The following CDH12 variants were observed in gnomAD, a reference collection of about 807,000 sequenced individuals.
CDH12 encodes cadherin 12.
A neutral mutation model predicts 74.1 loss-of-function variants in CDH12; 41 were observed. The ratio of observed to expected loss-of-function variants is 0.55; its 90% CI spans 0.43 to 0.72. The LOEUF (loss-of-function observed/expected upper bound fraction) is 0.72. Among genes scored for constraint, CDH12 ranks in the 30% least tolerant of loss-of-function variants. The pLI is 0.00. For synonymous variants in CDH12, 399 were observed against 355.0 expected (o/e 1.12, Z -1.39); for missense variants, 945 against 977.2 (o/e 0.97, Z 0.44).
intron 11 of CDH12, among the ~76,000 whole-genome samples, chr5:21,767,612 A>T (rs900620419): frequency 2.0e-5 from 3 of 151,686 alleles, no homozygotes; most frequent in African/African-American, 7.2e-5. Flanking sequence ...TTTCCTGAAG[A>T]TTAAATGTCA....
At chr5:22,287,578 G>GT (rs1411200815) in intron 3 of CDH12, among the ~76,000 whole-genome samples, 1 of 151,604 alleles carries the variant, frequency 6.6e-6, no homozygotes, top group Non-Finnish European at 1.5e-5. Flanking sequence ...CAAAAAATTA[G>GT]CCGGCGCGGT....
intron 4 of CDH12, among the ~76,000 whole-genome samples, chr5:22,137,623 C>T (rs1746539136): frequency 6.6e-6 from 1 of 152,092 alleles, no homozygotes. Flanking sequence ...GAGCAATTGG[C>T]ATAATTTAAA....
intron 1 of CDH12, among the ~76,000 whole-genome samples, chr5:22,818,878 G>A (rs1749525524): frequency 6.6e-6 from 1 of 152,028 alleles, no homozygotes; most frequent in African/African-American, 2.4e-5. Flanking sequence ...TGCATACTCT[G>A]TCAACTGGAT....
intron 1 of CDH12, among the ~76,000 whole-genome samples, chr5:22,779,263 A>G (rs867947478): frequency 2.0e-5 from 3 of 152,148 alleles, no homozygotes; most frequent in Non-Finnish European, 2.9e-5. Context: ...CCTTCAAACT[A>G]TTTATATTTA....
At chr5:22,244,796 G>GAAAGAAAGAA (rs1561251362) in intron 3 of CDH12, among the ~76,000 whole-genome samples, 1 of 108,720 alleles carries the variant, frequency 9.2e-6, no homozygotes, top group African/African-American at 3.2e-5. Flanking sequence ...AAGAAAGAAA[G>GAAAGAAAGAA]AAAGAAAAAT....
intron 1 of CDH12, among the ~76,000 whole-genome samples, chr5:22,752,641 C>A (rs4538578): frequency 5.3e-5 from 1 of 18,738 alleles, no homozygotes; most frequent in Admixed American, 5.2e-4. Context: ...GCGAGATCTC[C>A]TCTCACTGCA....
intron 1 of CDH12, among the ~76,000 whole-genome samples, chr5:22,746,853 A>G (rs1254599453): frequency 1.3e-5 from 2 of 152,224 alleles, no homozygotes; most frequent in African/African-American, 4.8e-5. Flanking sequence ...ACCTCAAACT[A>G]TGACTGGAAA....
intron 4 of CDH12, among the ~76,000 whole-genome samples, chr5:22,174,018 T>A (rs1023123118): frequency 2.0e-5 from 3 of 151,992 alleles, no homozygotes; most frequent in African/African-American, 7.2e-5. Context: ...TAGGTGAATA[T>A]AAATATTGTG....
chr5:22,680,738 C>T (rs568012383), intron 1 of CDH12, among the ~76,000 whole-genome samples: 13 of 151,836 alleles, frequency 8.6e-5, no homozygotes, highest in Admixed American at 2.0e-4. Flanking sequence ...TTAAATAATA[C>T]GTACTACTAA....
At chr5:22,787,459 G>A (rs891997968) in intron 1 of CDH12, among the ~76,000 whole-genome samples, 1 of 151,972 alleles carries the variant, frequency 6.6e-6, no homozygotes, top group African/African-American at 2.4e-5. Context: ...TCCCTTTTAT[G>A]AATTTTTGTG....
At chr5:21,798,459 A>G (rs373275089) in intron 10 of CDH12, among the ~76,000 whole-genome samples, 2 of 152,166 alleles carry the variant, frequency 1.3e-5, no homozygotes, top group East Asian at 3.9e-4. Flanking sequence ...TAAAAGACAG[A>G]TGAGCTTTTT....
intron 3 of CDH12, among the ~76,000 whole-genome samples, chr5:22,396,367 C>T (rs1465496976): frequency 6.6e-6 from 1 of 152,054 alleles, no homozygotes; most frequent in African/African-American, 2.4e-5. Flanking sequence ...CTGCCTGATG[C>T]ACTAGAAGCT....
At chr5:22,612,694 G>C (rs557093574) in intron 1 of CDH12, among the ~76,000 whole-genome samples, 15 of 152,130 alleles carry the variant, frequency 9.9e-5, no homozygotes, top group African/African-American at 3.4e-4. Flanking sequence ...ATTTTTGACT[G>C]TCTGGTGTGT....
intron 1 of CDH12, among the ~76,000 whole-genome samples, chr5:22,748,998 T>C (rs1745426777): frequency 6.6e-6 from 1 of 152,130 alleles, no homozygotes; most frequent in Non-Finnish European, 1.5e-5. Flanking sequence ...GATAGAGACA[T>C]CATTGATGTG....
chr5:22,106,424 TA>T (rs1744446723), intron 4 of CDH12, among the ~76,000 whole-genome samples: 1 of 152,222 alleles, frequency 6.6e-6, no homozygotes, highest in Admixed American at 6.5e-5. Context: ...GTATTTTACC[TA>T]GTAGATGTGC....
intron 1 of CDH12, among the ~76,000 whole-genome samples, chr5:22,679,202 A>T (rs780409978): frequency 4.6e-5 from 7 of 152,162 alleles, no homozygotes; most frequent in Non-Finnish European, 7.4e-5. Context: ...ACTTCCAGGT[A>T]TAATTTTAGG....
chr5:22,663,264 A>G (rs967559446), intron 1 of CDH12, among the ~76,000 whole-genome samples: 1 of 152,196 alleles, frequency 6.6e-6, no homozygotes, highest in African/African-American at 2.4e-5. Context: ...GATACCTTTT[A>G]TCTAATCATT....
rs142171624 is a variant in CDH12, at chr5:22,534,450, G to A, written c.-522-29086C>T. 7.5e-3 allele frequency among the ~76,000 whole-genome samples: 1,137 copies of A among 152,264 alleles called. 6 individuals carry two copies. The highest frequency in any genetic ancestry group is 0.014 in the Middle Eastern group (4 of 294). ...CCACTTATGAGTGAGAACATAAGAT[G>A]TTTGGTTTTCCATTCCTGAGTTTCT... On this transcript the variant is annotated intron_variant, in intron 1 of 14. Transcript: ENST00000382254.
intron 3 of CDH12, among the ~76,000 whole-genome samples, chr5:22,365,925 A>T (rs1013396913): frequency 6.6e-6 from 1 of 152,206 alleles, no homozygotes; most frequent in African/African-American, 2.4e-5. Flanking sequence ...CAATTGAGTG[A>T]CATGGAAAAA....
Sources: gnomAD v4.1 joint callset for allele counts (sites outside exome capture counted in the v4.1 genomes callset) on GRCh38, gnomAD v4.1.1 for gene constraint, MANE v1.5 for transcripts, NCBI Gene and HGNC (gene_info 2026-07-23, HGNC 2026-07-21) for gene names.